NR6A1: variants seen among roughly 807,000 people sequenced by gnomAD.
NR6A1 encodes nuclear receptor subfamily 6 group A member 1.
In NR6A1, 7 loss-of-function variants were observed where a neutral mutation model predicts 59.1. That is an observed-to-expected ratio of 0.12 (90% CI 0.07 to 0.22). NR6A1 has a LOEUF of 0.22. Among genes scored for constraint, NR6A1 ranks in the 10% least tolerant of loss-of-function variants. The pLI, the probability that NR6A1 is intolerant of heterozygous loss-of-function variation, is 1.00. For missense variants in NR6A1, 468 were observed against 611.6 expected (o/e 0.77, Z 2.48); for synonymous variants, 243 against 236.1 (o/e 1.03, Z -0.27).
At position 124,609,400 on chromosome 9, in the gene NR6A1, T is replaced by C. The variant is rs570791609; in HGVS notation, c.143-54830A>G. 7.2e-5 allele frequency among the ~76,000 whole-genome samples: 11 copies of C among 152,342 alleles called. 1 individual carries two copies. Among genetic ancestry groups the C allele is most frequent in the African/African-American group, 2.6e-4 (11 of 41,586 alleles). On this transcript the variant is annotated intron_variant, in intron 2 of 9. Coordinates refer to ENST00000487099, the MANE Select transcript of NR6A1 (RefSeq NM_033334.4). ...CCACTGCTTGATTTTCTCAGGTTTATTGAAGATCAGATGGTTGTAGATGTG... is the reference window on the plus strand; with the variant it reads ...CCACTGCTTGATTTTCTCAGGTTTACTGAAGATCAGATGGTTGTAGATGTG...
intron 2 of NR6A1, among the ~76,000 whole-genome samples, chr9:124,660,683 G>A (rs1249176173): frequency 6.8e-6 from 1 of 147,434 alleles, no homozygotes; most frequent in East Asian, 2.0e-4. Context: ...ACACAGAGAT[G>A]CCATGTTTAA....
chr9:124,547,827 AAG>A (rs1191523102), intron 3 of NR6A1, among the ~76,000 whole-genome samples: 1 of 152,230 alleles, frequency 6.6e-6, no homozygotes, highest in Non-Finnish European at 1.5e-5. Flanking sequence ...TTCAGATTAA[AAG>A]AGACTGAAAA....
At chr9:124,680,693 G>C (rs556371651) in intron 2 of NR6A1, among the ~76,000 whole-genome samples, 1 of 152,156 alleles carries the variant, frequency 6.6e-6, no homozygotes. Context: ...AAGGGACTAC[G>C]AGAGTTTCCC....
intron 2 of NR6A1, among the ~76,000 whole-genome samples, chr9:124,618,388 C>G (rs917400365): frequency 6.6e-6 from 1 of 152,158 alleles, no homozygotes; most frequent in African/African-American, 2.4e-5. Flanking sequence ...GAGGCTGCGG[C>G]AGGAGAATCA....
At chr9:124,656,181 A>T (rs907917024) in intron 2 of NR6A1, among the ~76,000 whole-genome samples, 22 of 152,060 alleles carry the variant, frequency 1.4e-4, no homozygotes, top group African/African-American at 4.3e-4. Context: ...CTACCATGTG[A>T]TCTCTGCACA....
chr9:124,558,840 C>T (rs1411709106), intron 2 of NR6A1, among the ~76,000 whole-genome samples: 1 of 151,506 alleles, frequency 6.6e-6, no homozygotes, highest in Non-Finnish European at 1.5e-5. Context: ...CAACCAACCA[C>T]CCAACCAACC....
chr9:124,672,242 A>G (rs529727922), intron 2 of NR6A1, among the ~76,000 whole-genome samples: 1 of 152,194 alleles, frequency 6.6e-6, no homozygotes, highest in Non-Finnish European at 1.5e-5. Flanking sequence ...TGGGACTATT[A>G]CAGATAATGC....
intron 2 of NR6A1, among the ~76,000 whole-genome samples, chr9:124,660,453 T>G (rs1296620781): frequency 6.6e-6 from 1 of 152,122 alleles, no homozygotes; most frequent in Middle Eastern, 3.2e-3. Flanking sequence ...CATTCATATA[T>G]CTCGCTACCT....
At chr9:124,613,057 C>A (rs1006111830) in intron 2 of NR6A1, among the ~76,000 whole-genome samples, 3 of 152,114 alleles carry the variant, frequency 2.0e-5, no homozygotes, top group Non-Finnish European at 2.9e-5. Flanking sequence ...AAATTCAAAG[C>A]CAGGAGTGGT....
chr9:124,563,380 A>G (rs1312854884), intron 2 of NR6A1, among the ~76,000 whole-genome samples: 2 of 152,226 alleles, frequency 1.3e-5, no homozygotes, highest in Non-Finnish European at 2.9e-5. Context: ...AAAAAGTTTT[A>G]AACACATTGG....
intron 1 of NR6A1, among the ~76,000 whole-genome samples, chr9:124,770,819 G>A (rs528788988): frequency 2.6e-5 from 4 of 151,866 alleles, no homozygotes; most frequent in African/African-American, 9.7e-5. Context: ...AGGGACGAAG[G>A]AGGAGGATCC....
In NR6A1 at chr9:124,575,021, C is replaced by T. The variant is rs146519704; in HGVS notation, c.143-20451G>A. Among the ~76,000 whole-genome samples, 44 of 152,282 alleles carry T rather than the reference C, an allele frequency of 2.9e-4. No individual in the cohort carries two copies. In the East Asian group the frequency reaches 3.3e-3, roughly 11 times the overall value. On this transcript the variant is annotated intron_variant, in intron 2 of 9. Transcript: ENST00000487099. ...TGTAATGGTAAGCTAGGTCTTTGCA[C>T]GAAACACAGACTTGTTTATTGCCTT... is the stretch of plus-strand genomic sequence containing the variant.
At chr9:124,755,916 G>A (rs918373322) in intron 1 of NR6A1, among the ~76,000 whole-genome samples, 1 of 151,954 alleles carries the variant, frequency 6.6e-6, no homozygotes, top group African/African-American at 2.4e-5. Flanking sequence ...GTTAAGATGG[G>A]GAAAAGATAG....
chr9:124,548,799 A>T (rs1833684500), intron 3 of NR6A1, among the ~76,000 whole-genome samples: 1 of 152,224 alleles, frequency 6.6e-6, no homozygotes, highest in Non-Finnish European at 1.5e-5. Context: ...CACAGAGTTA[A>T]GGAAATTTTT....
intron 2 of NR6A1, among the ~76,000 whole-genome samples, chr9:124,722,617 A>T (rs751473273): frequency 9.9e-5 from 15 of 152,044 alleles, no homozygotes; most frequent in Non-Finnish European, 1.9e-4. Context: ...TATCTTGCCT[A>T]TTTTTTATCT....
intron 7 of NR6A1, among the ~76,000 whole-genome samples, chr9:124,532,414 C>T (rs553482069): frequency 5.9e-5 from 9 of 152,304 alleles, no homozygotes; most frequent in Admixed American, 2.0e-4. Context: ...CAGTTCTCTT[C>T]GGATGCCCCG....
intron 2 of NR6A1, among the ~76,000 whole-genome samples, chr9:124,704,056 T>C (rs1264944078): frequency 1.3e-5 from 2 of 152,348 alleles, no homozygotes; most frequent in African/African-American, 4.8e-5. Flanking sequence ...TAATTCATTT[T>C]AACTGTTATA....
chr9:124,754,772 G>T (rs1415355829), intron 1 of NR6A1, among the ~76,000 whole-genome samples: 1 of 152,150 alleles, frequency 6.6e-6, no homozygotes, highest in African/African-American at 2.4e-5. Flanking sequence ...CTGTACCTAT[G>T]AGATCGATGA....
intron 1 of NR6A1, among the ~76,000 whole-genome samples, chr9:124,745,367 G>C (rs995091164): frequency 6.6e-6 from 1 of 151,958 alleles, no homozygotes; most frequent in Admixed American, 6.6e-5. Context: ...TTTATAAACA[G>C]AAACATACAT....
Sources: allele counts gnomAD v4.1 joint callset (sites outside exome capture counted in the v4.1 genomes callset), GRCh38; gene constraint gnomAD v4.1.1; transcripts MANE v1.5; gene names NCBI Gene and HGNC (gene_info 2026-07-23, HGNC 2026-07-21).